TMC8: variants seen among roughly 807,000 people sequenced by gnomAD.
TMC8 encodes the protein transmembrane channel-like protein 8.
Under a neutral mutation model 76.0 loss-of-function variants are expected in TMC8, and 71 were observed. That is an observed-to-expected ratio of 0.93 (90% CI 0.77 to 1.14). The LOEUF is 1.14. Ranked by LOEUF, TMC8 falls within the 50% of genes most tolerant of loss-of-function variation. The pLI, the probability that TMC8 is intolerant of heterozygous loss-of-function variation, is 0.00. For missense variants in TMC8, 924 were observed against 947.9 expected, an observed-to-expected ratio of 0.97 and a Z score of 0.33; for synonymous variants, 433 against 433.8, an observed-to-expected ratio of 1.00 and a Z score of 0.02.
In TMC8 at chr17:78,134,004, T is replaced by C; in HGVS notation, c.816+4T>C. 6.2e-7 allele frequency: 1 copy of C among 1,613,672 alleles called. No homozygotes were observed. The highest frequency in any genetic ancestry group is 8.5e-7 in the Non-Finnish European group (1 of 1,180,036). On this transcript the variant is annotated splice_donor_region_variant and intron_variant, in intron 7 of 15. Transcript: ENST00000318430. Reference sequence around the variant, plus strand: ...TGAGATCAGCAACGAGTTCAAGGTGTGTGCACGAGTGAGTGCCTGAGATCC... The same window carrying C: ...TGAGATCAGCAACGAGTTCAAGGTGCGTGCACGAGTGAGTGCCTGAGATCC...
At position 78,138,141 on chromosome 17, in the gene TMC8, C is replaced by T; in HGVS notation, c.1486C>T (p.Pro496Ser). 1 of 1,613,964 alleles carries T rather than the reference C, an allele frequency of 6.2e-7. No homozygotes were observed. The highest frequency in any genetic ancestry group is 1.3e-5 in the African/African-American group (1 of 75,000). The change falls in exon 12 of 16, where the codon CCC (proline) becomes TCC (serine). Residue 496 changes from proline to serine, a missense_variant. Pro to Ser is a moderately conservative substitution (Grantham distance 74). Transcript: ENST00000318430. ...GGGCCTCTTCTACTGCCCCCTGCTG[C>T]CCCTGCTGAATAGCGTCTTCCTCTT... The part of the protein sequence containing the change: ...WMGLFYCPLL[P>S]LLNSVFLFLT...
At chr17:78,132,983 C>A in intron 5 of TMC8, 113 bp downstream of exon 5, 1 of 1,245,844 alleles carries the variant, frequency 8.0e-7, no homozygotes, top group East Asian at 2.3e-5. Context: ...TTCGGCTCCT[C>A]AGGGGATGGT....
chr17:78,135,005 A>C lies in TMC8; in HGVS notation c.1123A>C (p.Ile375Leu). The change falls in exon 9 of 16, where the codon ATC (isoleucine) becomes CTC (leucine). Residue 375 changes from isoleucine (I) to leucine (L), a missense_variant. Physicochemically the swap from Ile to Leu is conservative, Grantham distance 5. Coordinates refer to ENST00000318430, the MANE Select transcript of TMC8 (RefSeq NM_152468.5). Reference sequence around the variant, plus strand: ...CAACACGGAGGTCAACCTCACTCTGATCTGGTGAGTGCCACCCTTGGTGGG... The same window carrying C: ...CAACACGGAGGTCAACCTCACTCTGCTCTGGTGAGTGCCACCCTTGGTGGG... Reference protein sequence around the residue: ...PPNTEVNLTLIWCVVLKLASL... With the variant: ...PPNTEVNLTLLWCVVLKLASL... The C allele has an allele frequency of 6.2e-7, 1 of 1,613,940 alleles. No homozygotes were observed. Among genetic ancestry groups the C allele is most frequent in the Non-Finnish European group, 8.5e-7 (1 of 1,179,934 alleles).
At chr17:78,140,700 T>C (rs1341972732) in intron 15 of TMC8, 134 bp from the exon 16 acceptor site, 4 of 1,261,626 alleles carry the variant, frequency 3.2e-6, no homozygotes, top group Non-Finnish European at 4.5e-6. Context: ...GGGCGTGGCC[T>C]CGGGCGGGGC....
At chr17:78,138,242 G>A in intron 12 of TMC8, 54 bp downstream of exon 12, 1 of 1,612,990 alleles carries the variant, frequency 6.2e-7, no homozygotes, top group Non-Finnish European at 8.5e-7. Context: ...TGGATGCCTT[G>A]AGCTGGGCTC....
At position 78,138,979 on chromosome 17, in the gene TMC8, G is replaced by A. The variant is rs773671627; in HGVS notation, c.1824-183G>A. The A allele has an allele frequency of 1.8e-5, 28 of 1,544,006 alleles. No individual in the cohort carries two copies. In the African/African-American group the frequency reaches 3.4e-4, roughly 19 times the overall value. On this transcript the variant is annotated intron_variant, in intron 14 of 15. Coordinates refer to ENST00000318430, the MANE Select transcript of TMC8 (RefSeq NM_152468.5). ...CTGAGCTATTGGTATTGCTGTGCCA[G>A]AGGGGAGGGGATGAGGGGCTCTGCG...
chr17:78,140,607 G>C (rs1353310533), intron 15 of TMC8, among the ~76,000 whole-genome samples: 1 of 151,270 alleles, frequency 6.6e-6, no homozygotes, highest in African/African-American at 2.4e-5. Context: ...CGTTGTGGAC[G>C]GGACTCCTGA....
chr17:78,133,527 G>A lies in TMC8; in HGVS notation c.653G>A (p.Cys218Tyr), dbSNP rs752988279. The A allele has an allele frequency of 1.9e-6, 3 of 1,612,854 alleles. No homozygotes were observed. The highest frequency in any genetic ancestry group is 2.5e-6 in the Non-Finnish European group (3 of 1,180,006). ...CTGGCCTGCCTGCTCCTCTGCTTCT[G>A]TGGGACTCTGCGGCGGTGAGAGCGA... ...SPLACLLLCF[C>Y]GTLRRMVKGL... Residue 218 changes from cysteine (C) to tyrosine (Y), a missense_variant, in exon 6 of 16, where the codon TGT becomes TAT. Coordinates refer to ENST00000318430, the MANE Select transcript of TMC8 (RefSeq NM_152468.5).
intron 4 of TMC8, 31 bp downstream of exon 4, chr17:78,132,539 C>T (rs1359584835): frequency 1.1e-5 from 18 of 1,596,820 alleles, no homozygotes; most frequent in Non-Finnish European, 1.5e-5. Context: ...GGGAAGTGCT[C>T]CGGTGCCCAC....
In TMC8 at chr17:78,134,479, G is replaced by A. The variant is rs553175400; in HGVS notation, c.902G>A (p.Arg301Gln). ...GCCTGCCGCCTGCTCTCCTACCTGC[G>A]GGTCAACGTACTCAACGGGCTCCTG... ...QTACRLLSYLRVNVLNGLLVV... is the reference protein window; with the variant it reads ...QTACRLLSYLQVNVLNGLLVV... Residue 301 changes from arginine (R) to glutamine (Q), a missense_variant, in exon 8 of 16, where the codon CGG becomes CAG. By Grantham distance (43) the Arg-to-Gln change is conservative. Coordinates refer to ENST00000318430, the MANE Select transcript of TMC8 (RefSeq NM_152468.5). The A allele has an allele frequency of 5.0e-6, 8 of 1,613,912 alleles. No homozygotes were observed. In the Admixed American group the frequency reaches 5.0e-5, roughly 10 times the overall value.
rs1407421340 is a variant in TMC8 at position 78,138,403 on chromosome 17, T to C, written c.1588T>C (p.Ser530Pro). 3 of 1,612,610 alleles carry C rather than the reference T, an allele frequency of 1.9e-6. No individual in the cohort carries two copies. The highest frequency in any genetic ancestry group is 2.5e-6 in the Non-Finnish European group (3 of 1,179,992). The change falls in exon 13 of 16, where the codon TCC becomes CCC. Residue 530 changes from serine (S) to proline (P), a missense_variant. Coordinates refer to ENST00000318430, the MANE Select transcript of TMC8 (RefSeq NM_152468.5). ...ASSRPFRASS[S>P]TFFFQLVLLL... The stretch of plus-strand genomic sequence containing the variant: ...TTCGCGGCCCTTCCGTGCCTCCAGC[T>C]CCACCTTCTTCTTCCAGCTAGTGCT...
chr17:78,132,202 G>A (rs1201848318), intron 3 of TMC8, 157 bp from the exon 4 acceptor site: 2 of 1,372,280 alleles, frequency 1.5e-6, no homozygotes, highest in Non-Finnish European at 1.0e-6. Context: ...TCGGGCCCAC[G>A]CAGCACCCCC....
At chr17:78,134,804 TG>T in intron 8 of TMC8, 65 bp from the exon 9 acceptor site, 1 of 1,607,488 alleles carries the variant, frequency 6.2e-7, no homozygotes, top group Non-Finnish European at 8.5e-7. Flanking sequence ...TAGGGCACTG[TG>T]GGGGGCGGGG....
intron 6 of TMC8, 66 bp from the exon 7 acceptor site, chr17:78,133,787 G>T: frequency 6.2e-7 from 1 of 1,609,326 alleles, no homozygotes; most frequent in Non-Finnish European, 8.5e-7. Flanking sequence ...CCAGAGCCGA[G>T]CCAAGGCTGA....
In TMC8 at chr17:78,132,029, G is replaced by T. The variant is rs1160736604; in HGVS notation, c.297G>T (p.Gly99=). 1.3e-6 allele frequency: 2 copies of T among 1,534,300 alleles called. No individual in the cohort carries two copies. Among genetic ancestry groups the T allele is most frequent in the Admixed American group, 3.9e-5 (2 of 50,910 alleles). Reference sequence around the variant, plus strand: ...GGGAGGGGGCGCTCTACGAGATCGGGGGTAGGACCCGCGCGACCCGCACCT... The same window carrying T: ...GGGAGGGGGCGCTCTACGAGATCGGTGGTAGGACCCGCGCGACCCGCACCT... ...GLWEGALYEI[G]GLFGTGIRSY... Residue 99 remains glycine, a splice_region_variant and synonymous_variant, in exon 3 of 16, where the codon GGG becomes GGT. Coordinates refer to ENST00000318430, the MANE Select transcript of TMC8 (RefSeq NM_152468.5).
intron 4 of TMC8, 44 bp from the exon 5 acceptor site, chr17:78,132,744 T>G: frequency 6.2e-7 from 1 of 1,600,286 alleles, no homozygotes; most frequent in Non-Finnish European, 8.6e-7. Flanking sequence ...GCCTCACCTA[T>G]GCCTTGGGGA....
In TMC8 at chr17:78,140,979, C is replaced by A; in HGVS notation, c.2048C>A (p.Ser683Tyr). ...TGCCCCGGATGCCCATGCCCTGGCT[C>A]CCCGGGCCACCAGGCCCCGCGGCCG... ...SFCPGCPCPG[S>Y]PGHQAPRPGP... The change falls in exon 16 of 16, where the codon TCC (serine) becomes TAC (tyrosine). Residue 683 changes from serine (S) to tyrosine (Y), a missense_variant. Transcript: ENST00000318430. 6.3e-7 allele frequency: 1 copy of A among 1,592,712 alleles called. No homozygotes were observed.
At position 78,132,011 on chromosome 17, in the gene TMC8, G is replaced by A. The variant is rs201749146; in HGVS notation, c.279G>A (p.Gly93=). ...CCCGGGGCCTTGGGCTCTGGGAGGG[G>A]GCGCTCTACGAGATCGGGGGTAGGA... The part of the protein sequence containing the change: ...RLARGLGLWE[G]ALYEIGGLFG... The change falls in exon 3 of 16, where the codon GGG becomes GGA. Residue 93 remains glycine (G), a synonymous_variant. Transcript: ENST00000318430. The A allele has an allele frequency of 1.2e-3, 1,848 of 1,532,924 alleles. 20 individuals are homozygous for A. In the African/African-American group the frequency reaches 0.021, roughly 17 times the overall value. 95.0% of individuals were successfully genotyped at this position (1,532,924 alleles called of 1,614,324 possible). A position where few individuals can be genotyped will look rare whatever the true frequency, so the allele number is the denominator to read the frequency against.
chr17:78,138,016 A>G lies in TMC8; in HGVS notation c.1361A>G (p.Asp454Gly). 1 of 1,613,884 alleles carries G rather than the reference A, an allele frequency of 6.2e-7. No homozygotes were observed. The highest frequency in any genetic ancestry group is 8.5e-7 in the Non-Finnish European group (1 of 1,179,998). ...LVTLPRRLLV[D>G]RFSGRFWAWL... ...TCCCATCCCTGCAGGCTGCTGGTGG[A>G]CCGGTTCTCAGGCCGGTTCTGGGCC... The change falls in exon 12 of 16, where the codon GAC becomes GGC. Residue 454 changes from aspartate to glycine, a missense_variant. Physicochemically the swap from Asp to Gly is moderately conservative, Grantham distance 94. Coordinates refer to ENST00000318430, the MANE Select transcript of TMC8 (RefSeq NM_152468.5).
Sources: allele counts gnomAD v4.1 joint callset (sites outside exome capture counted in the v4.1 genomes callset), GRCh38; gene constraint gnomAD v4.1.1; transcripts MANE v1.5; gene names NCBI Gene and HGNC (gene_info 2026-07-23, HGNC 2026-07-21).